The following PCDHA8 variants were observed in gnomAD, a reference collection of about 807,000 sequenced individuals.
PCDHA8 encodes protocadherin alpha-8.
Under a neutral mutation model 61.8 loss-of-function variants are expected in PCDHA8, and 53 were observed. The ratio of observed to expected loss-of-function variants is 0.86; its 90% CI spans 0.69 to 1.08. PCDHA8 has a LOEUF of 1.08. PCDHA8 is among the 50% of genes least tolerant of loss of function. The pLI, the probability that PCDHA8 is intolerant of heterozygous loss-of-function variation, is 0.00. For missense variants in PCDHA8, 1,293 were observed against 1,245.0 expected (o/e 1.04, Z -0.58); for synonymous variants, 618 against 556.6 (o/e 1.11, Z -1.55).
chr5:140,874,929 G>A lies in PCDHA8; in HGVS notation c.2394+31214G>A, dbSNP rs1554167415. Among the ~76,000 whole-genome samples, 6 of 152,304 alleles carry A rather than the reference G, an allele frequency of 3.9e-5. 1 individual carries two copies. On this transcript the variant is annotated intron_variant, in intron 1 of 3. Transcript: ENST00000531613. ...GATGGAGTGCTTGTGAAGGTTAAAA[G>A]TTATTGAAACAGCGGAATTGTAAGC...
At position 140,923,111 on chromosome 5, in the gene PCDHA8, G is replaced by T. The variant is rs192696214; in HGVS notation, c.2395-55838G>T. Among the ~76,000 whole-genome samples, 53 of 152,266 alleles carry T rather than the reference G, an allele frequency of 3.5e-4. No individual in the cohort carries two copies. In the East Asian group the frequency reaches 8.9e-3, roughly 25 times the overall value. ...TTGACCAATGGGAGTATGATTTTAA[G>T]TTTTTAGGGTCACACTTTGAAGGTG... On this transcript the variant is annotated intron_variant, in intron 1 of 3. Coordinates refer to ENST00000531613, the MANE Select transcript of PCDHA8 (RefSeq NM_018911.3).
intron 1 of PCDHA8, chr5:140,883,561 C>T: frequency 1.2e-6 from 2 of 1,614,156 alleles, no homozygotes; most frequent in Non-Finnish European, 1.7e-6. Flanking sequence ...GGGACGGGGG[C>T]TCGCCTTCGC....
At chr5:140,848,856 G>C in intron 1 of PCDHA8, 1 of 1,590,682 alleles carries the variant, frequency 6.3e-7, no homozygotes, top group Non-Finnish European at 8.6e-7. Context: ...CCATGTGGAC[G>C]TGGAGGTGAA....
chr5:140,938,014 T>C (rs1554211943), intron 1 of PCDHA8, among the ~76,000 whole-genome samples: 6 of 152,220 alleles, frequency 3.9e-5, no homozygotes. Context: ...TCTTGCTAAA[T>C]AGTAAAATCT....
chr5:140,849,758 C>T lies in PCDHA8; in HGVS notation c.2394+6043C>T, dbSNP rs150560525. ...TGGACCGCGAGAGTGTGTCCGCCTA[C>T]GAGCTGGTGGTTACCGCGCGGGACG... On this transcript the variant is annotated intron_variant, in intron 1 of 3. Transcript: ENST00000531613. 1.8e-4 allele frequency: 292 copies of T among 1,598,480 alleles called. 14 individuals are homozygous for T. The highest frequency in any genetic ancestry group is 1.6e-3 in the African/African-American group (121 of 74,466).
chr5:140,858,914 A>C, intron 1 of PCDHA8: 1 of 181,616 alleles, frequency 5.5e-6, no homozygotes, highest in Non-Finnish European at 1.1e-5. Flanking sequence ...CACAGCTTAT[A>C]CTGCCATAGT....
Position 140,949,361 on chromosome 5 carries a change from G to C in PCDHA8, c.2395-29588G>C, listed in dbSNP as rs150004166. 4.9e-3 allele frequency among the ~76,000 whole-genome samples: 749 copies of C among 151,546 alleles called. 8 individuals are homozygous for C. The highest frequency in any genetic ancestry group is 0.017 in the African/African-American group (722 of 41,420). On this transcript the variant is annotated intron_variant, in intron 1 of 3. Coordinates refer to ENST00000531613, the MANE Select transcript of PCDHA8 (RefSeq NM_018911.3). ...AGATTTTCTGTGTCTTTATTTTTTT[G>C]TCTAGTTGTCCTATCAATTGCTCAG...
At chr5:140,953,565 C>A (rs1433649283) in intron 1 of PCDHA8, among the ~76,000 whole-genome samples, 2 of 151,370 alleles carry the variant, frequency 1.3e-5, no homozygotes, top group African/African-American at 2.5e-5. Context: ...AGTTTTAGTG[C>A]CCTCCTCTCC....
At chr5:140,941,321 T>C (rs1220701599) in intron 1 of PCDHA8, among the ~76,000 whole-genome samples, 5 of 62,540 alleles carry the variant, frequency 8.0e-5, no homozygotes, top group African/African-American at 2.0e-4. Context: ...TTCTTTCTCT[T>C]TTTTTTTTTT....
At chr5:140,945,664 C>T (rs1342424562) in intron 1 of PCDHA8, among the ~76,000 whole-genome samples, 1 of 152,048 alleles carries the variant, frequency 6.6e-6, no homozygotes, top group Admixed American at 6.5e-5. Context: ...ATACAGCTCC[C>T]AGAAATAAAT....
At chr5:140,857,932 C>T in intron 1 of PCDHA8, 1 of 1,597,630 alleles carries the variant, frequency 6.3e-7, no homozygotes, top group East Asian at 2.2e-5. Flanking sequence ...TGTACACGGG[C>T]GAGATCAGTA....
rs782205253 is a variant in PCDHA8, at chr5:140,927,557, T to C, written c.2395-51392T>C. 12 of 1,614,028 alleles carry C rather than the reference T, an allele frequency of 7.4e-6. No homozygotes were observed. In the East Asian group the frequency reaches 2.7e-4, roughly 36 times the overall value. On this transcript the variant is annotated intron_variant, in intron 1 of 3. Coordinates refer to ENST00000531613, the MANE Select transcript of PCDHA8 (RefSeq NM_018911.3). ...TCAGGAGACGCACAAGTCACCATCATTGTGGTGGACACAAATGACAACGCG... is the reference window on the plus strand; with the variant it reads ...TCAGGAGACGCACAAGTCACCATCACTGTGGTGGACACAAATGACAACGCG...
intron 1 of PCDHA8, chr5:140,847,470 C>A (rs972055023): frequency 6.7e-6 from 1 of 149,674 alleles, no homozygotes; most frequent in Non-Finnish European, 1.5e-5. Context: ...TCGACTTGGA[C>A]GTTGGAATAA....
chr5:140,925,402 T>C (rs1379767028), intron 1 of PCDHA8, among the ~76,000 whole-genome samples: 1 of 152,110 alleles, frequency 6.6e-6, no homozygotes, highest in Non-Finnish European at 1.5e-5. Context: ...CTCGCCTCCT[T>C]CTTAGGGAAA....
chr5:140,982,507 G>C lies in PCDHA8; in HGVS notation c.2486G>C (p.Arg829Pro). 6.2e-7 allele frequency: 1 copy of C among 1,614,138 alleles called. No homozygotes were observed. ...CACCTAGAGGAGGCTGGCATTCTAC[G>C]GGCTGGTCCAGGAGGGCCTGATCAG... ...SVHLEEAGIL[R>P]AGPGGPDQQW... is the part of the protein sequence containing the mutation. The change falls in exon 3 of 4, where the codon CGG becomes CCG. Residue 829 changes from arginine to proline, a missense_variant. Coordinates refer to ENST00000531613, the MANE Select transcript of PCDHA8 (RefSeq NM_018911.3).
intron 3 of PCDHA8, among the ~76,000 whole-genome samples, chr5:140,986,342 C>G (rs1390823261): frequency 4.6e-5 from 7 of 152,184 alleles, no homozygotes; most frequent in African/African-American, 1.7e-4. Flanking sequence ...ACAGTTGCAG[C>G]CTCTTCTTCA....
chr5:140,994,105 A>G (rs1264024543), intron 3 of PCDHA8, among the ~76,000 whole-genome samples: 2 of 152,226 alleles, frequency 1.3e-5, no homozygotes, highest in African/African-American at 2.4e-5. Context: ...TGGAAATATT[A>G]CATTGTCATG....
At chr5:140,902,938 C>T (rs2069876653) in intron 1 of PCDHA8, among the ~76,000 whole-genome samples, 1 of 152,186 alleles carries the variant, frequency 6.6e-6, no homozygotes. Flanking sequence ...ATATATACCA[C>T]ATTTTCTTTA....
chr5:140,920,180 T>C (rs1386784105), intron 1 of PCDHA8, among the ~76,000 whole-genome samples: 1 of 152,198 alleles, frequency 6.6e-6, no homozygotes, highest in Admixed American at 6.5e-5. Context: ...ACCCAGTGTG[T>C]AGTAATTTGT....
Sources: allele counts gnomAD v4.1 joint callset (sites outside exome capture counted in the v4.1 genomes callset), GRCh38; gene constraint gnomAD v4.1.1; transcripts MANE v1.5; gene names NCBI Gene and HGNC (gene_info 2026-07-23, HGNC 2026-07-21).